SDHAF3: variants seen among roughly 807,000 people sequenced by gnomAD.
SDHAF3 encodes the protein succinate dehydrogenase assembly factor 3, mitochondrial.
Under a neutral mutation model 11.5 loss-of-function variants are expected in SDHAF3, and 18 were observed. That is an observed-to-expected ratio of 1.56 (90% CI 1.08 to 2.32). The LOEUF (loss-of-function observed/expected upper bound fraction) is 2.32, where lower values mean the gene tolerates loss of function less well. Among genes scored for constraint, SDHAF3 ranks in the 30% most tolerant of loss-of-function variants. The pLI is 0.00. For missense variants in SDHAF3, 200 were observed against 154.4 expected (o/e 1.30, Z -1.57); for synonymous variants, 72 against 59.3 (o/e 1.21, Z -0.99).
At chr7:97,149,101 T>C (rs1028352343) in intron 1 of SDHAF3, among the ~76,000 whole-genome samples, 4 of 152,076 alleles carry the variant, frequency 2.6e-5, no homozygotes, top group Admixed American at 1.3e-4. Context: ...GGCTATTTTT[T>C]TTCTATTTTT....
chr7:97,143,665 CTGTGTG>C (rs3029495), intron 1 of SDHAF3, among the ~76,000 whole-genome samples: 25,077 of 147,976 alleles, frequency 0.17, 2,492 homozygotes, highest in Non-Finnish European at 0.24. Context: ...TAGTGTTCCA[CTGTGTG>C]TGTGTGTGTG....
At chr7:97,167,445 T>C (rs1487080740) in intron 1 of SDHAF3, among the ~76,000 whole-genome samples, 1 of 151,120 alleles carries the variant, frequency 6.6e-6, no homozygotes, top group Non-Finnish European at 1.5e-5. Context: ...TCTCAGGTAG[T>C]TTTTTTAATA....
chr7:97,120,265 C>T (rs972043745), intron 1 of SDHAF3, among the ~76,000 whole-genome samples: 5 of 152,070 alleles, frequency 3.3e-5, no homozygotes, highest in Non-Finnish European at 7.4e-5. Flanking sequence ...TAAATTTAAA[C>T]GTAGTAATCT....
At position 97,117,862 on chromosome 7, in the gene SDHAF3, T is replaced by C; in HGVS notation, c.139T>C (p.Ser47Pro). ...DEFRRHKTVG[S>P]DEAQRFLQEW... ...ATTTAGGAGACATAAGACCGTTGGTTCTGACGAGGCACAGCGTTTCTTGCA... is the reference window on the plus strand; with the variant it reads ...ATTTAGGAGACATAAGACCGTTGGTCCTGACGAGGCACAGCGTTTCTTGCA... Residue 47 changes from serine to proline, a missense_variant, in exon 1 of 2, where the codon TCT becomes CCT. By Grantham distance (74) the Ser-to-Pro change is moderately conservative. Coordinates refer to ENST00000432641, the MANE Select transcript of SDHAF3 (RefSeq NM_020186.3). 1 of 1,614,200 alleles carries C rather than the reference T, an allele frequency of 6.2e-7. No individual in the cohort carries two copies. Among genetic ancestry groups the C allele is most frequent in the Non-Finnish European group, 8.5e-7 (1 of 1,180,024 alleles).
chr7:97,162,385 G>A (rs947693829), intron 1 of SDHAF3, among the ~76,000 whole-genome samples: 1 of 151,942 alleles, frequency 6.6e-6, no homozygotes, highest in African/African-American at 2.4e-5. Context: ...ATCTCCTTCA[G>A]TTCTGCTCTG....
Position 97,117,765 on chromosome 7 carries a change from G to T in SDHAF3, c.42G>T (p.Lys14Asn). 1 of 1,614,160 alleles carries T rather than the reference G, an allele frequency of 6.2e-7. No individual in the cohort carries two copies. The highest frequency in any genetic ancestry group is 8.5e-7 in the Non-Finnish European group (1 of 1,180,026). Residue 14 changes from lysine to asparagine, a missense_variant, in exon 1 of 2, where the codon AAG becomes AAT. Transcript: ENST00000432641. ...TTTCTCGAGTCCGGGCATTGTACAA[G>T]CGCGTCTTGCAGCTGCACCGTGTTC... Reference protein sequence around the residue: ...RHVSRVRALYKRVLQLHRVLP... With the variant: ...RHVSRVRALYNRVLQLHRVLP...
At chr7:97,163,702 A>G (rs995406029) in intron 1 of SDHAF3, among the ~76,000 whole-genome samples, 1 of 152,138 alleles carries the variant, frequency 6.6e-6, no homozygotes, top group Non-Finnish European at 1.5e-5. Context: ...TTATTATGCT[A>G]GCTGGTTATT....
intron 1 of SDHAF3, among the ~76,000 whole-genome samples, chr7:97,177,198 A>G (rs1789691081): frequency 6.6e-6 from 1 of 152,072 alleles, no homozygotes; most frequent in Non-Finnish European, 1.5e-5. Flanking sequence ...AAATTCATAA[A>G]ACTTTATAAA....
In SDHAF3 at chr7:97,117,766, C is replaced by T. The variant is rs778426577; in HGVS notation, c.43C>T (p.Arg15Cys). 1.4e-5 allele frequency: 22 copies of T among 1,614,068 alleles called. No homozygotes were observed. Among genetic ancestry groups the T allele is most frequent in the Non-Finnish European group, 5.9e-6 (7 of 1,180,028 alleles). The change falls in exon 1 of 2, where the codon CGC becomes TGC. Residue 15 changes from arginine to cysteine, a missense_variant. Physicochemically the swap from Arg to Cys is radical, Grantham distance 180 (BLOSUM62 -3). Transcript: ENST00000432641. ...HVSRVRALYKRVLQLHRVLPP... is the reference protein window; with the variant it reads ...HVSRVRALYKCVLQLHRVLPP... ...TTCTCGAGTCCGGGCATTGTACAAG[C>T]GCGTCTTGCAGCTGCACCGTGTTCT...
chr7:97,130,759 T>A (rs1023789890), intron 1 of SDHAF3, among the ~76,000 whole-genome samples: 2 of 152,156 alleles, frequency 1.3e-5, no homozygotes, highest in African/African-American at 2.4e-5. Flanking sequence ...TTTATTCCAG[T>A]CTCCACACAA....
intron 1 of SDHAF3, among the ~76,000 whole-genome samples, chr7:97,157,488 G>A (rs1789321585): frequency 6.6e-6 from 1 of 152,170 alleles, no homozygotes; most frequent in African/African-American, 2.4e-5. Flanking sequence ...AGAGGATGTG[G>A]AGAAATAGGA....
At position 97,181,034 on chromosome 7, in the gene SDHAF3, A is replaced by T. The variant is rs1304737083; in HGVS notation, c.197A>T (p.Gln66Leu). The change falls in exon 2 of 2, where the codon CAA (glutamine) becomes CTA (leucine). Residue 66 changes from glutamine (Q) to leucine (L), a missense_variant. Transcript: ENST00000432641. The stretch of plus-strand genomic sequence containing the variant: ...TAGGTGTATGCAACAGCGTTATTGC[A>T]ACAGGCTAACGAAAACAGACAAAAT... The part of the protein sequence containing the change: ...EWEVYATALL[Q>L]QANENRQNST... The T allele has an allele frequency of 3.1e-6, 5 of 1,613,846 alleles. No individual in the cohort carries two copies. Among genetic ancestry groups the T allele is most frequent in the Non-Finnish European group, 4.2e-6 (5 of 1,179,912 alleles).
chr7:97,123,914 T>C (rs1164856025), intron 1 of SDHAF3, among the ~76,000 whole-genome samples: 1 of 151,778 alleles, frequency 6.6e-6, no homozygotes, highest in Non-Finnish European at 1.5e-5. Flanking sequence ...GTCAGATGGA[T>C]AGATTGCAAA....
chr7:97,139,688 TG>T (rs1265667785), intron 1 of SDHAF3, among the ~76,000 whole-genome samples: 1 of 152,204 alleles, frequency 6.6e-6, no homozygotes, highest in African/African-American at 2.4e-5. Context: ...GCTATCAGTG[TG>T]GGGTAGGAAG....
intron 1 of SDHAF3, among the ~76,000 whole-genome samples, chr7:97,177,432 G>A (rs1789695082): frequency 6.6e-6 from 1 of 151,946 alleles, no homozygotes; most frequent in African/African-American, 2.4e-5. Context: ...AACCCGGGAG[G>A]CACAGCTTGT....
chr7:97,173,409 A>G lies in SDHAF3; in HGVS notation c.175-7603A>G, dbSNP rs534998246. Among the ~76,000 whole-genome samples, 827 of 152,228 alleles carry G rather than the reference A, an allele frequency of 5.4e-3. 11 individuals are homozygous for G. Among genetic ancestry groups the G allele is most frequent in the Non-Finnish European group, 7.4e-3 (504 of 68,000 alleles). On this transcript the variant is annotated intron_variant, in intron 1 of 1. Transcript: ENST00000432641. ...TTCAACAGTTGTCAACTCATGGCCA[A>G]TCAGGTTTCATCTGTACCCCCACTT...
intron 1 of SDHAF3, among the ~76,000 whole-genome samples, chr7:97,170,098 G>GTTT (rs199512966): frequency 2.8e-5 from 4 of 144,274 alleles, no homozygotes; most frequent in Admixed American, 1.4e-4. Flanking sequence ...TGGCTAGTTC[G>GTTT]TTTTTTTTTT....
intron 1 of SDHAF3, among the ~76,000 whole-genome samples, chr7:97,137,054 G>T (rs1302162551): frequency 6.6e-6 from 1 of 151,820 alleles, no homozygotes; most frequent in Non-Finnish European, 1.5e-5. Flanking sequence ...TGTTTTTCAG[G>T]GCTGTCTGGG....
At chr7:97,137,868 CTTTTTT>C (rs11381462) in intron 1 of SDHAF3, among the ~76,000 whole-genome samples, 878 of 69,104 alleles carry the variant, frequency 0.013, 14 homozygotes, top group African/African-American at 0.051. Flanking sequence ...ATTCCATTCG[CTTTTTT>C]TTTTTTTTTT....
Sources: allele counts gnomAD v4.1 joint callset (sites outside exome capture counted in the v4.1 genomes callset), GRCh38; gene constraint gnomAD v4.1.1; transcripts MANE v1.5; gene names NCBI Gene and HGNC (gene_info 2026-07-23, HGNC 2026-07-21).